The following NAALADL2 variants were observed in gnomAD, a reference collection of about 807,000 sequenced individuals.
NAALADL2 encodes inactive N-acetylated-alpha-linked acidic dipeptidase-like protein 2.
Under a neutral mutation model 87.2 loss-of-function variants are expected in NAALADL2, and 76 were observed. The ratio of observed to expected loss-of-function variants is 0.87; its 90% CI spans 0.72 to 1.05. The LOEUF (loss-of-function observed/expected upper bound fraction) is 1.05. Ranked by LOEUF, NAALADL2 falls within the 50% of genes least tolerant of loss-of-function variation. The probability of loss-of-function intolerance (pLI) is 0.00; values close to 1 mark genes in which losing one functional copy is unlikely to be tolerated. For missense variants in NAALADL2, 1,089 were observed against 945.8 expected (o/e 1.15, Z -1.99); for synonymous variants, 354 against 331.0 (o/e 1.07, Z -0.75).
At chr3:175,222,213 T>C in intron 2 of NAALADL2, among the ~76,000 whole-genome samples, 1 of 152,220 alleles carries the variant, frequency 6.6e-6, no homozygotes, top group East Asian at 1.9e-4. Flanking sequence ...GAATCTTTTG[T>C]ATTTCCTTAG....
intron 11 of NAALADL2, among the ~76,000 whole-genome samples, chr3:175,632,769 C>T (rs887041180): frequency 4.6e-5 from 7 of 151,998 alleles, no homozygotes; most frequent in Non-Finnish European, 8.8e-5. Flanking sequence ...CTATAGAGCA[C>T]CTAGTCAGAT....
At chr3:175,199,850 ATATATATATATATATTTTTTT>A (rs1739664821) in intron 2 of NAALADL2, among the ~76,000 whole-genome samples, 1 of 17,790 alleles carries the variant, frequency 5.6e-5, no homozygotes, top group Non-Finnish European at 9.2e-5. Flanking sequence ...ATATATATAT[ATATATATATATATATTTTTTT>A]TTTTTTTTTT....
At position 174,938,730 on chromosome 3, in the gene NAALADL2, G is replaced by A. The variant is rs147489214; in HGVS notation, c.43+79280G>A. The stretch of plus-strand genomic sequence containing the variant: ...TAGCCATTCTGACTGATTTGAGATG[G>A]TATCTCTTTGTGGTTTTGATTTTCA... On this transcript the variant is annotated intron_variant, in intron 1 of 13. Transcript: ENST00000454872. 8.9e-3 allele frequency among the ~76,000 whole-genome samples: 1,359 copies of A among 152,142 alleles called. 14 individuals are homozygous for A. The highest frequency in any genetic ancestry group is 0.041 in the Middle Eastern group (12 of 294).
At position 174,957,894 on chromosome 3, in the gene NAALADL2, T is replaced by C. The variant is rs1010226075; in HGVS notation, c.43+98444T>C. ...ATTCCATTTTTGTCTAATTAATTCCTGCCTCAACTTGCAAACTCTGCATCA... is the reference window on the plus strand; with the variant it reads ...ATTCCATTTTTGTCTAATTAATTCCCGCCTCAACTTGCAAACTCTGCATCA... On this transcript the variant is annotated intron_variant, in intron 1 of 13. Transcript: ENST00000454872. Among the ~76,000 whole-genome samples, 9 of 152,134 alleles carry C rather than the reference T, an allele frequency of 5.9e-5. No homozygotes were observed. The East Asian group carries it at 1.7e-3, about 29-fold the overall frequency.
intron 1 of NAALADL2, among the ~76,000 whole-genome samples, chr3:175,006,927 T>A (rs1235609817): frequency 6.6e-6 from 1 of 151,596 alleles, no homozygotes; most frequent in Non-Finnish European, 1.5e-5. Flanking sequence ...TACAAGTTCC[T>A]TTATAAGTCT....
At chr3:174,516,876 T>C (rs1719968433) in intron 1 of NAALADL2, among the ~76,000 whole-genome samples, 1 of 151,912 alleles carries the variant, frequency 6.6e-6, no homozygotes, top group Admixed American at 6.6e-5. Context: ...ATACAAAGAA[T>C]AGTGATTTTG....
chr3:174,499,088 T>G (rs1438674618), intron 1 of NAALADL2, among the ~76,000 whole-genome samples: 1 of 152,094 alleles, frequency 6.6e-6, no homozygotes, highest in Admixed American at 6.6e-5. Flanking sequence ...AAATTAAACT[T>G]TATTATAGGC....
intron 1 of NAALADL2, among the ~76,000 whole-genome samples, chr3:174,485,441 C>A (rs557906170): frequency 3.4e-4 from 51 of 151,552 alleles, no homozygotes; most frequent in African/African-American, 1.2e-3. Flanking sequence ...AATCTTCCTC[C>A]TCCACCCACC....
intron 5 of NAALADL2, among the ~76,000 whole-genome samples, chr3:175,339,965 A>T (rs949019285): frequency 2.0e-5 from 3 of 152,294 alleles, no homozygotes; most frequent in African/African-American, 7.2e-5. Context: ...ACACATCATT[A>T]TTTAAAAGTC....
chr3:174,644,649 C>T (rs1283246451), intron 2 of NAALADL2, among the ~76,000 whole-genome samples: 1 of 152,116 alleles, frequency 6.6e-6, no homozygotes, highest in Non-Finnish European at 1.5e-5. Context: ...ACTATGGAGA[C>T]CTCAGGAATA....
At chr3:175,510,229 A>AGAACTCACTCACTATCT in intron 9 of NAALADL2, among the ~76,000 whole-genome samples, 1 of 152,276 alleles carries the variant, frequency 6.6e-6, no homozygotes, top group East Asian at 1.9e-4. Context: ...ACTCACTATC[A>AGAACTCACTCACTATCT]TGAGCTCACT....
intron 3 of NAALADL2, among the ~76,000 whole-genome samples, chr3:174,834,270 T>A (rs1281899866): frequency 6.8e-6 from 1 of 147,538 alleles, no homozygotes; most frequent in Admixed American, 6.8e-5. Flanking sequence ...ATTTATCATA[T>A]TGAATATCAC....
chr3:175,089,345 A>T (rs1719647391), intron 1 of NAALADL2, among the ~76,000 whole-genome samples: 1 of 152,166 alleles, frequency 6.6e-6, no homozygotes, highest in Admixed American at 6.5e-5. Flanking sequence ...CATCATGCTA[A>T]CTCTGGGAAC....
chr3:174,611,870 C>T (rs1239638209), intron 2 of NAALADL2, among the ~76,000 whole-genome samples: 2 of 151,866 alleles, frequency 1.3e-5, no homozygotes, highest in Non-Finnish European at 2.9e-5. Flanking sequence ...GCTGGGATTA[C>T]AGGTGTGAGC....
chr3:174,924,049 G>A (rs1206546897), intron 1 of NAALADL2, among the ~76,000 whole-genome samples: 2 of 152,118 alleles, frequency 1.3e-5, no homozygotes, highest in East Asian at 3.9e-4. Flanking sequence ...GTTCAGGAAT[G>A]TTATATGCTG....
chr3:175,434,663 A>G (rs1197448067), intron 5 of NAALADL2, among the ~76,000 whole-genome samples: 1 of 152,068 alleles, frequency 6.6e-6, no homozygotes, highest in Non-Finnish European at 1.5e-5. Flanking sequence ...AAACACATTC[A>G]TAGTTTATTT....
intron 3 of NAALADL2, 87 bp downstream of exon 3, chr3:175,234,291 T>C: frequency 1.4e-5 from 19 of 1,375,468 alleles, no homozygotes; most frequent in Non-Finnish European, 1.9e-5. Context: ...ACTGTCAAGA[T>C]GCAACATACA....
At chr3:174,817,848 A>G (rs1464287617) in intron 3 of NAALADL2, among the ~76,000 whole-genome samples, 3 of 152,210 alleles carry the variant, frequency 2.0e-5, no homozygotes, top group African/African-American at 7.2e-5. Context: ...TCTAGCTCAC[A>G]CGTTTATCTT....
intron 10 of NAALADL2, among the ~76,000 whole-genome samples, chr3:175,592,307 C>CTTTTTTTTTTTTTTTTT (rs758914649): frequency 2.3e-5 from 1 of 43,248 alleles, no homozygotes; most frequent in African/African-American, 4.8e-5. Context: ...TTTTTCTTTT[C>CTTTTTTTTTTTTTTTTT]TTTTTTTTTT....
Sources: allele counts gnomAD v4.1 joint callset (sites outside exome capture counted in the v4.1 genomes callset), GRCh38; gene constraint gnomAD v4.1.1; transcripts MANE v1.5; gene names NCBI Gene and HGNC (gene_info 2026-07-23, HGNC 2026-07-21).